MGLL: variants seen among roughly 807,000 people sequenced by gnomAD.
The protein encoded by MGLL is monoglyceride lipase.
MGLL carries 7 observed loss-of-function variants against 29.1 expected under a neutral mutation model. The ratio of observed to expected loss-of-function variants is 0.24; its 90% CI spans 0.14 to 0.45. MGLL has a LOEUF of 0.45. MGLL is among the 20% of genes least tolerant of loss of function. MGLL has a pLI of 0.99. For synonymous variants in MGLL, 148 were observed against 168.3 expected, an observed-to-expected ratio of 0.88 and a Z score of 0.93; for missense variants, 356 against 413.6, an observed-to-expected ratio of 0.86 and a Z score of 1.21.
chr3:127,821,696 G>A lies in MGLL; in HGVS notation c.153C>T (p.Pro51=). 6.2e-7 allele frequency: 1 copy of A among 1,614,118 alleles called. No individual in the cohort carries two copies. Among genetic ancestry groups the A allele is most frequent in the Non-Finnish European group, 8.5e-7 (1 of 1,179,990 alleles). ...FCRYWKPTGT[P]KALIFVSHGA... is the part of the protein sequence containing the mutation. ...GTGACTTTCTGGGGAAGACTTACTT[G>A]GGTGTGCCTGTGGGTTTCCAGTACC... The change falls in exon 2 of 8, where the codon CCC becomes CCT. Residue 51 remains proline (P), a splice_region_variant and synonymous_variant. Transcript: ENST00000265052.
intron 6 of MGLL, among the ~76,000 whole-genome samples, chr3:127,709,823 T>C (rs2075675127): frequency 6.6e-6 from 1 of 152,222 alleles, no homozygotes; most frequent in Admixed American, 6.5e-5. Context: ...AGACCACACC[T>C]ACCCACGTTC....
In MGLL at chr3:127,691,811, G is replaced by T. The variant is rs557445366; in HGVS notation, c.*387C>A. The T allele has an allele frequency of 7.7e-5, 22 of 285,638 alleles. No homozygotes were observed. Among genetic ancestry groups the T allele is most frequent in the South Asian group, 7.1e-4 (22 of 30,912 alleles). The allele number at this position is 285,638 out of a possible 1,614,324, so 17.7% of individuals were successfully genotyped here. On this transcript the variant is annotated 3_prime_UTR_variant, in exon 8 of 8. Transcript: ENST00000265052. The stretch of plus-strand genomic sequence containing the variant: ...AGAGGGCGCTGGGGCGTGAGCGAAG[G>T]GTGGGCAGGAAGGAGGCGCCTCCAG...
chr3:127,710,146 C>T (rs1246273650), intron 6 of MGLL, among the ~76,000 whole-genome samples: 1 of 152,204 alleles, frequency 6.6e-6, no homozygotes, highest in East Asian at 1.9e-4. Context: ...GGGGGAAAGC[C>T]TGTCTGGGAA....
intron 3 of MGLL, among the ~76,000 whole-genome samples, chr3:127,743,632 C>A (rs904260114): frequency 2.8e-5 from 4 of 141,744 alleles, no homozygotes; most frequent in African/African-American, 1.1e-4. Context: ...CAAAGGGAGG[C>A]TCAAAGTCAC....
rs182777503 is a variant in MGLL, at chr3:127,743,187, G to A, written c.263-20621C>T. On this transcript the variant is annotated intron_variant, in intron 3 of 7. Coordinates refer to ENST00000265052, the MANE Select transcript of MGLL (RefSeq NM_007283.7). ...AGCTCAGTGGCCACCTACATGCCAA[G>A]AAACAATCTTCCAGTTTCAGCAGAT... 2.4e-4 allele frequency among the ~76,000 whole-genome samples: 36 copies of A among 152,338 alleles called. No individual in the cohort carries two copies. The East Asian group carries it at 4.6e-3, about 20-fold the overall frequency.
chr3:127,724,377 C>T lies in MGLL; in HGVS notation c.263-1811G>A, dbSNP rs75168891. Among the ~76,000 whole-genome samples, 313 of 152,278 alleles carry T rather than the reference C, an allele frequency of 2.1e-3. 2 individuals carry two copies. Among genetic ancestry groups the T allele is most frequent in the African/African-American group, 7.2e-3 (301 of 41,542 alleles). ...TGTCTTCAAGGTGCATCCATGTAGTCGTGTGTGTCAGAATTTCCTTCCTTT... is the reference window on the plus strand; with the variant it reads ...TGTCTTCAAGGTGCATCCATGTAGTTGTGTGTGTCAGAATTTCCTTCCTTT... On this transcript the variant is annotated intron_variant, in intron 3 of 7. Coordinates refer to ENST00000265052, the MANE Select transcript of MGLL (RefSeq NM_007283.7).
intron 3 of MGLL, among the ~76,000 whole-genome samples, chr3:127,732,429 G>C (rs536104034): frequency 6.6e-6 from 1 of 152,338 alleles, no homozygotes; most frequent in Admixed American, 6.5e-5. Flanking sequence ...GTGAACTCCA[G>C]ACTCAGGGTT....
At chr3:127,798,619 C>A (rs181097099) in intron 2 of MGLL, among the ~76,000 whole-genome samples, 6 of 152,228 alleles carry the variant, frequency 3.9e-5, no homozygotes, top group Admixed American at 6.5e-5. Flanking sequence ...CCAACAGCCT[C>A]CTAACTCCAC....
At chr3:127,759,336 G>A (rs1385997771) in intron 3 of MGLL, among the ~76,000 whole-genome samples, 1 of 152,124 alleles carries the variant, frequency 6.6e-6, no homozygotes, top group African/African-American at 2.4e-5. Context: ...TCTGCTATGC[G>A]TGACCCTGGC....
intron 2 of MGLL, among the ~76,000 whole-genome samples, chr3:127,794,711 T>G (rs140307300): frequency 6.6e-6 from 1 of 152,362 alleles, no homozygotes; most frequent in Non-Finnish European, 1.5e-5. Context: ...GATGTAAGAC[T>G]ATCTTCTATG....
In MGLL at chr3:127,790,964, G is replaced by A. The variant is rs116448988; in HGVS notation, c.156-9069C>T. ...CCCAGGGGGTAGCCGGCCCCAGTGC[G>A]GTGAGGCCCAGTCCTCCATGTCACC... is the stretch of plus-strand genomic sequence containing the variant. On this transcript the variant is annotated intron_variant, in intron 2 of 7. Coordinates refer to ENST00000265052, the MANE Select transcript of MGLL (RefSeq NM_007283.7). Among the ~76,000 whole-genome samples, 335 of 152,228 alleles carry A rather than the reference G, an allele frequency of 2.2e-3. 6 individuals carry two copies. The highest frequency in any genetic ancestry group is 7.6e-3 in the African/African-American group (317 of 41,532).
rs1388155519 is a variant in MGLL at position 127,821,628 on chromosome 3, C to T, written c.155+66G>A. ...CCCCGCCCCAGATGGCACATGATAA[C>T]GACCAGAGGAGAAGCAGGGGCCATG... On this transcript the variant is annotated intron_variant, in intron 2 of 7. Coordinates refer to ENST00000265052, the MANE Select transcript of MGLL (RefSeq NM_007283.7). 8.8e-6 allele frequency: 14 copies of T among 1,583,942 alleles called. No individual in the cohort carries two copies. In the Admixed American group the frequency reaches 1.2e-4, roughly 13 times the overall value.
chr3:127,801,119 T>C (rs1338600007), intron 2 of MGLL, among the ~76,000 whole-genome samples: 1 of 151,476 alleles, frequency 6.6e-6, no homozygotes, highest in Non-Finnish European at 1.5e-5. Context: ...CTGACTAACA[T>C]GGTGAAACCC....
At chr3:127,810,737 C>T (rs983310422) in intron 2 of MGLL, among the ~76,000 whole-genome samples, 2 of 152,310 alleles carry the variant, frequency 1.3e-5, no homozygotes, top group Middle Eastern at 3.4e-3. Flanking sequence ...GTGAAAGGGG[C>T]CACGTCTCCA....
At chr3:127,780,941 G>T (rs2077113683) in intron 3 of MGLL, among the ~76,000 whole-genome samples, 1 of 152,162 alleles carries the variant, frequency 6.6e-6, no homozygotes, top group Non-Finnish European at 1.5e-5. Context: ...AACTAAATTG[G>T]GAGACTTCCT....
Position 127,781,902 on chromosome 3 carries a change from A to G in MGLL, c.156-7T>C, listed in dbSNP as rs770859272. On this transcript the variant is annotated splice_polypyrimidine_tract_variant and splice_region_variant and intron_variant, in intron 2 of 7. Transcript: ENST00000265052. ...GGACACAAAGATGAGGGCCCTGCAG[A>G]GACAAGAAGGGAGCCTGGTTAGGAA... The G allele has an allele frequency of 6.2e-7, 1 of 1,613,780 alleles. No individual in the cohort carries two copies. The highest frequency in any genetic ancestry group is 8.5e-7 in the Non-Finnish European group (1 of 1,179,814).
chr3:127,775,411 T>G (rs1358821026), intron 3 of MGLL, among the ~76,000 whole-genome samples: 1 of 152,202 alleles, frequency 6.6e-6, no homozygotes, highest in Non-Finnish European at 1.5e-5. Context: ...GCAAGCGACC[T>G]TGACTCAAAT....
intron 3 of MGLL, among the ~76,000 whole-genome samples, chr3:127,734,376 C>T (rs1301515028): frequency 6.6e-6 from 1 of 152,210 alleles, no homozygotes; most frequent in African/African-American, 2.4e-5. Flanking sequence ...TCCATTTCAC[C>T]ATGGAAGCAT....
chr3:127,814,579 A>C (rs144583278), intron 2 of MGLL, among the ~76,000 whole-genome samples: 2 of 152,358 alleles, frequency 1.3e-5, no homozygotes, highest in Non-Finnish European at 2.9e-5. Context: ...AATGGTGGAC[A>C]AAGGTTGCTA....
Sources: allele counts gnomAD v4.1 joint callset (sites outside exome capture counted in the v4.1 genomes callset), GRCh38; gene constraint gnomAD v4.1.1; transcripts MANE v1.5; gene names NCBI Gene and HGNC (gene_info 2026-07-23, HGNC 2026-07-21).